SLC25A48: variants seen among roughly 807,000 people sequenced by gnomAD.
SLC25A48 encodes the protein CTC-321K16.1.
SLC25A48 carries 29 observed loss-of-function variants against 32.2 expected under a neutral mutation model. The observed-to-expected ratio is 0.90, with a 90% CI of 0.67 to 1.23. SLC25A48 has a LOEUF of 1.23. Among genes scored for constraint, SLC25A48 ranks in the 50% most tolerant of loss-of-function variants. The pLI is 0.00. For synonymous variants in SLC25A48, 164 were observed against 172.3 expected (o/e 0.95, Z 0.38); for missense variants, 399 against 422.7 (o/e 0.94, Z 0.49).
chr5:135,733,761 G>A (rs1755287684), intron 3 of SLC25A48, among the ~76,000 whole-genome samples: 1 of 152,150 alleles, frequency 6.6e-6, no homozygotes. Flanking sequence ...ATGATTTAGG[G>A]AGAGCTAGTG....
intron 3 of SLC25A48, among the ~76,000 whole-genome samples, chr5:135,761,743 G>A (rs544613038): frequency 9.8e-5 from 15 of 152,364 alleles, no homozygotes; most frequent in African/African-American, 3.4e-4. Flanking sequence ...ATGGCTGGCA[G>A]AATCCTACCC....
intron 3 of SLC25A48, among the ~76,000 whole-genome samples, chr5:135,806,235 A>T (rs1265887280): frequency 6.6e-6 from 1 of 151,610 alleles, no homozygotes; most frequent in East Asian, 1.9e-4. Context: ...ATTCCAGTGG[A>T]TGTACACCCT....
rs551597952 is a variant in SLC25A48 at position 135,794,966 on chromosome 5, G to T, written c.-520-17557G>T. 3.7e-4 allele frequency among the ~76,000 whole-genome samples: 56 copies of T among 151,166 alleles called. 1 individual carries two copies. The highest frequency in any genetic ancestry group is 1.3e-3 in the African/African-American group (55 of 41,256). ...CATGGGGCGTACACCATACCATTCT[G>T]TGATATGGTTCCTAATATCCAGGTG... On this transcript the variant is annotated intron_variant, in intron 3 of 10. Transcript: ENST00000646290.
chr5:135,654,322 A>G (rs1234787537), intron 3 of SLC25A48, among the ~76,000 whole-genome samples: 1 of 152,234 alleles, frequency 6.6e-6, no homozygotes, highest in Non-Finnish European at 1.5e-5. Flanking sequence ...CTAAGGGCTC[A>G]GGAGTCGATT....
intron 2 of SLC25A48, among the ~76,000 whole-genome samples, chr5:135,844,632 C>A (rs1759266335): frequency 6.6e-6 from 1 of 152,168 alleles, no homozygotes. Context: ...TTTCTGGTAC[C>A]TAGCAGGGAT....
intron 3 of SLC25A48, among the ~76,000 whole-genome samples, chr5:135,758,279 G>T (rs1046994738): frequency 6.7e-5 from 10 of 150,314 alleles, no homozygotes; most frequent in African/African-American, 2.2e-4. Flanking sequence ...ATATTAATAG[G>T]ATATCATCTC....
At chr5:135,686,200 A>T (rs75582394) in intron 3 of SLC25A48, among the ~76,000 whole-genome samples, 1 of 152,178 alleles carries the variant, frequency 6.6e-6, no homozygotes, top group African/African-American at 2.4e-5. Flanking sequence ...CATCTCTATA[A>T]TGGGAAAATT....
intron 3 of SLC25A48, among the ~76,000 whole-genome samples, chr5:135,787,591 T>A (rs2126628727): frequency 6.6e-6 from 1 of 152,072 alleles, no homozygotes; most frequent in South Asian, 2.1e-4. Flanking sequence ...TTAATTGTAA[T>A]TTTCTAGGGG....
At chr5:135,597,435 A>G (rs1220830827) in intron 1 of SLC25A48, among the ~76,000 whole-genome samples, 2 of 152,226 alleles carry the variant, frequency 1.3e-5, no homozygotes, top group African/African-American at 4.8e-5. Flanking sequence ...CTCAGGACTC[A>G]TTCTTACAGT....
Position 135,818,923 on chromosome 5 carries a change from G to A in SLC25A48, c.-117+5997G>A, listed in dbSNP as rs967693711. ...TGAAAATGTTAGAACTGAAAAATAC[G>A]AAATGTGAAAAAAAATTTTCACTGA... On this transcript the variant is annotated intron_variant, in intron 4 of 10. Transcript: ENST00000646290. 7.9e-5 allele frequency among the ~76,000 whole-genome samples: 12 copies of A among 151,940 alleles called. No individual in the cohort carries two copies. In the East Asian group the frequency reaches 1.4e-3, roughly 17 times the overall value.
chr5:135,808,315 A>G (rs1757511230), intron 3 of SLC25A48, among the ~76,000 whole-genome samples: 1 of 151,470 alleles, frequency 6.6e-6, no homozygotes, highest in Non-Finnish European at 1.5e-5. Flanking sequence ...TATATATGCT[A>G]TATATCTATG....
chr5:135,641,184 T>G (rs1046974535), intron 3 of SLC25A48, among the ~76,000 whole-genome samples: 3 of 152,150 alleles, frequency 2.0e-5, no homozygotes, highest in Non-Finnish European at 4.4e-5. Context: ...GCTTGGGACG[T>G]GTTAAGTCTG....
chr5:135,690,459 G>T (rs769986444), intron 3 of SLC25A48, among the ~76,000 whole-genome samples: 15 of 152,182 alleles, frequency 9.9e-5, no homozygotes, highest in Non-Finnish European at 1.9e-4. Flanking sequence ...TGTATGAGGA[G>T]ATTTGATTAT....
intron 3 of SLC25A48, among the ~76,000 whole-genome samples, chr5:135,702,053 A>G (rs1485282026): frequency 1.3e-5 from 2 of 152,194 alleles, no homozygotes; most frequent in Non-Finnish European, 2.9e-5. Flanking sequence ...TGCATTTACT[A>G]ACTTGCTGGA....
intron 4 of SLC25A48, among the ~76,000 whole-genome samples, chr5:135,820,465 G>A (rs561496390): frequency 6.6e-6 from 1 of 152,294 alleles, no homozygotes; most frequent in South Asian, 2.1e-4. Context: ...GTTATTTGGT[G>A]TATAAATTCA....
rs1289078962 is a variant in SLC25A48, at chr5:135,886,636, T to TAA, written c.*8-1393_*8-1392dup. Among the ~76,000 whole-genome samples the TAA allele has an allele frequency of 5.2e-3, 156 of 30,104 alleles. 7 individuals carry two copies. Among genetic ancestry groups the TAA allele is most frequent in the Middle Eastern group, 0.019 (1 of 54 alleles). 19.7% of individuals were successfully genotyped at this position (30,104 alleles called of 152,430 possible). A position where few individuals can be genotyped will look rare whatever the true frequency, so the allele number is the denominator to read the frequency against. Reference sequence around the variant, plus strand: ...ATATATATATATATATATATATATATAAAATATATATATGTGTGTGTGTGT... The same window carrying TAA: ...ATATATATATATATATATATATATATAAAAAATATATATATGTGTGTGTGTGT... On this transcript the variant is annotated intron_variant, in intron 7 of 7. Coordinates refer to ENST00000681962, the MANE Select transcript of SLC25A48 (RefSeq NM_001349336.2).
At chr5:135,812,786 C>A (rs1421464191) in exon 4 of SLC25A48, 1 of 152,238 alleles carries the variant, frequency 6.6e-6, no homozygotes, top group Non-Finnish European at 1.5e-5. Context: ...CCTCTGCATT[C>A]ACCCCAGCTG....
intron 3 of SLC25A48, among the ~76,000 whole-genome samples, chr5:135,721,289 T>C (rs2001725): frequency 0.43 from 59,650 of 139,342 alleles, 13,457 homozygotes; most frequent in Non-Finnish European, 0.52. Flanking sequence ...GAAACCTCCA[T>C]CTCCTGGGTT....
chr5:135,766,882 A>C (rs1045032770), intron 3 of SLC25A48, among the ~76,000 whole-genome samples: 1 of 151,628 alleles, frequency 6.6e-6, no homozygotes, highest in African/African-American at 2.4e-5. Context: ...TATTGTTCCC[A>C]ATATCAGGGG....
Sources: gnomAD v4.1 joint callset for allele counts (sites outside exome capture counted in the v4.1 genomes callset) on GRCh38, gnomAD v4.1.1 for gene constraint, MANE v1.5 for transcripts, NCBI Gene and HGNC (gene_info 2026-07-23, HGNC 2026-07-21) for gene names.